FMNL3: variants seen among roughly 807,000 people sequenced by gnomAD.
FMNL3 encodes the protein formin like 3, also known as formin-like protein 3.
Under a neutral mutation model 119.6 loss-of-function variants are expected in FMNL3, and 57 were observed. The ratio of observed to expected loss-of-function variants is 0.48; its 90% confidence interval spans 0.39 to 0.59. The LOEUF (loss-of-function observed/expected upper bound fraction) is 0.59, where lower values mean the gene tolerates loss of function less well. FMNL3 is among the 20% of genes least tolerant of loss of function. The probability of loss-of-function intolerance (pLI) is 0.00; values close to 1 mark genes in which losing one functional copy is unlikely to be tolerated. For synonymous variants in FMNL3, 491 were observed against 507.3 expected, an observed-to-expected ratio of 0.97 and a Z score of 0.43; for missense variants, 1,053 against 1,323.5, an observed-to-expected ratio of 0.80 and a Z score of 3.17.
intron 1 of FMNL3, among the ~76,000 whole-genome samples, chr12:49,681,560 A>C (rs554063778): frequency 6.6e-6 from 1 of 151,598 alleles, no homozygotes; most frequent in Non-Finnish European, 1.5e-5. Flanking sequence ...GAATCCTGTT[A>C]CTTTTCACGA....
chr12:49,682,544 G>T (rs1944364500), intron 1 of FMNL3, among the ~76,000 whole-genome samples: 1 of 151,974 alleles, frequency 6.6e-6, no homozygotes, highest in South Asian at 2.1e-4. Context: ...ACAAGGTCTT[G>T]CTATGTTGCC....
intron 1 of FMNL3, among the ~76,000 whole-genome samples, chr12:49,701,898 G>A (rs1944919799): frequency 6.6e-6 from 1 of 152,124 alleles, no homozygotes; most frequent in Non-Finnish European, 1.5e-5. Context: ...ATTCCAGCCT[G>A]GGTGACAGAG....
In FMNL3 at chr12:49,643,533, C is replaced by A; in HGVS notation, c.*2282G>T. On this transcript the variant is annotated 3_prime_UTR_variant, in exon 26 of 26. Coordinates refer to ENST00000335154, the MANE Select transcript of FMNL3 (RefSeq NM_175736.5). Reference sequence around the variant, plus strand: ...CCTGTGGAAGTAGAAAGAACTTCCTCTACCTGCCCAAGCAAGAAGCTGGAG... The same window carrying A: ...CCTGTGGAAGTAGAAAGAACTTCCTATACCTGCCCAAGCAAGAAGCTGGAG... 7.3e-7 allele frequency: 1 copy of A among 1,373,834 alleles called. No individual in the cohort carries two copies. Among genetic ancestry groups the A allele is most frequent in the Non-Finnish European group, 9.8e-7 (1 of 1,017,924 alleles). 85.1% of individuals were successfully genotyped at this position (1,373,834 alleles called of 1,614,324 possible).
intron 17 of FMNL3, among the ~76,000 whole-genome samples, chr12:49,650,191 C>A (rs546378225): frequency 1.3e-5 from 2 of 152,226 alleles, no homozygotes; most frequent in South Asian, 4.1e-4. Flanking sequence ...CGAGGTCCAG[C>A]CTGCAAGACT....
At chr12:49,676,520 G>GTTTTTTTTTTT (rs58117011) in intron 1 of FMNL3, among the ~76,000 whole-genome samples, 1 of 102,996 alleles carries the variant, frequency 9.7e-6, no homozygotes, top group Admixed American at 1.1e-4. Flanking sequence ...TTCATAGTGG[G>GTTTTTTTTTTT]TTTTTTTTTT....
chr12:49,657,322 A>G (rs544056501), intron 6 of FMNL3, 132 bp from the exon 7 acceptor site: 13 of 660,464 alleles, frequency 2.0e-5, no homozygotes, highest in Middle Eastern at 6.2e-4. Context: ...CCTCGTACCA[A>G]CAGCCAAGAG....
chr12:49,637,782 A>G lies in FMNL3; in HGVS notation c.*8033T>C. ...AGTTCTATGTGGAGGAGTTGAAGGC[A>G]CGATTCCATGATGAAAAGAAGATCA... On this transcript the variant is annotated 3_prime_UTR_variant, in exon 26 of 26. Transcript: ENST00000335154. 6.2e-7 allele frequency: 1 copy of G among 1,607,800 alleles called. No homozygotes were observed. Among genetic ancestry groups the G allele is most frequent in the Non-Finnish European group, 8.5e-7 (1 of 1,176,602 alleles).
chr12:49,681,170 A>C (rs997718936), intron 1 of FMNL3, among the ~76,000 whole-genome samples: 2 of 152,258 alleles, frequency 1.3e-5, no homozygotes, highest in Admixed American at 1.3e-4. Flanking sequence ...TCTTGGACAC[A>C]ACCTAGTGAC....
At chr12:49,653,172 A>G in intron 13 of FMNL3, 54 bp downstream of exon 13, 18 of 1,530,142 alleles carry the variant, frequency 1.2e-5, no homozygotes, top group Admixed American at 5.0e-5. Flanking sequence ...GCAGAACCCC[A>G]AGGCGCTGGA....
At chr12:49,677,200 C>G (rs968225056) in intron 1 of FMNL3, among the ~76,000 whole-genome samples, 17 of 152,348 alleles carry the variant, frequency 1.1e-4, no homozygotes, top group African/African-American at 3.8e-4. Flanking sequence ...TGTCTCTGCA[C>G]ATTTACTAAT....
Position 49,647,673 on chromosome 12 carries a change from A to C in FMNL3, c.2778+30T>G, listed in dbSNP as rs749704051. On this transcript the variant is annotated intron_variant, in intron 23 of 25. Coordinates refer to ENST00000335154, the MANE Select transcript of FMNL3 (RefSeq NM_175736.5). This position sits in a 1 kb window ranked among gnomAD's most constrained non-coding sequence, Gnocchi z 4.9. ...TCCCCCAGCCAGTTTTCTCGCAACCAAACTTCTTAAAAAGCTCTCTGCAGC... is the reference window on the plus strand; with the variant it reads ...TCCCCCAGCCAGTTTTCTCGCAACCCAACTTCTTAAAAAGCTCTCTGCAGC... 4.4e-6 allele frequency: 7 copies of C among 1,602,192 alleles called. No homozygotes were observed. Among genetic ancestry groups the C allele is most frequent in the Non-Finnish European group, 6.0e-6 (7 of 1,169,476 alleles).
chr12:49,646,614 A>G, intron 25 of FMNL3: 1 of 1,466,032 alleles, frequency 6.8e-7, no homozygotes, highest in East Asian at 2.5e-5. Flanking sequence ...GGGCATGCAG[A>G]GGGGGCAGCT....
At chr12:49,646,575 G>C (rs867862072) in intron 25 of FMNL3, 1 of 1,302,014 alleles carries the variant, frequency 7.7e-7, no homozygotes, top group East Asian at 2.5e-5. Flanking sequence ...GAAGGTGCCT[G>C]TGGTCTCCCA....
chr12:49,696,501 ACT>A (rs1464703098), intron 1 of FMNL3, among the ~76,000 whole-genome samples: 1 of 152,210 alleles, frequency 6.6e-6, no homozygotes, highest in Admixed American at 6.5e-5. Flanking sequence ...CAGTTGTTAT[ACT>A]GTTTTGTTTA....
rs1943331948 is a variant in FMNL3, at chr12:49,649,644, G to A, written c.2235+47C>T. 6.2e-7 allele frequency: 1 copy of A among 1,610,998 alleles called. No individual in the cohort carries two copies. Among genetic ancestry groups the A allele is most frequent in the Admixed American group, 1.7e-5 (1 of 59,998 alleles). ...CAGGGGAGGTGACTAGCAGATGGAG[G>A]GTGGAGGGACAGCTGTCCAGAGCCA... On this transcript the variant is annotated intron_variant, in intron 18 of 25. Coordinates refer to ENST00000335154, the MANE Select transcript of FMNL3 (RefSeq NM_175736.5). The surrounding 1 kb of genome is among the most constrained non-coding windows in gnomAD (Gnocchi z 5.6).
intron 25 of FMNL3, 33 bp from the exon 26 acceptor site, chr12:49,645,936 T>C: frequency 1.3e-6 from 2 of 1,594,522 alleles, no homozygotes; most frequent in Non-Finnish European, 1.7e-6. Context: ...GTGAACAGGA[T>C]GGGAGGGTGA....
chr12:49,706,806 G>C (rs1365996877), intron 1 of FMNL3, among the ~76,000 whole-genome samples: 1 of 152,216 alleles, frequency 6.6e-6, no homozygotes, highest in African/African-American at 2.4e-5. Context: ...CTGGTTCCTA[G>C]GACGGTCCCG....
At chr12:49,651,527 C>T (rs573303435) in intron 14 of FMNL3, 77 bp from the exon 15 acceptor site, 178 of 1,172,210 alleles carry the variant, frequency 1.5e-4, no homozygotes, top group Non-Finnish European at 2.8e-5. Flanking sequence ...CTGCCTGTCC[C>T]ACCTTCTCTG....
chr12:49,678,886 A>G (rs1000667601), intron 1 of FMNL3, among the ~76,000 whole-genome samples: 1 of 152,192 alleles, frequency 6.6e-6, no homozygotes, highest in African/African-American at 2.4e-5. Context: ...ACACCATTAC[A>G]AATCCAGGAG....
Sources: allele counts gnomAD v4.1 joint callset (sites outside exome capture counted in the v4.1 genomes callset), GRCh38; gene constraint gnomAD v4.1.1; non-coding constraint Gnocchi (gnomAD v3.1); transcripts MANE v1.5; gene names NCBI Gene and HGNC (gene_info 2026-07-23, HGNC 2026-07-21).